The following USP34 variants were observed in gnomAD, a reference collection of about 807,000 sequenced individuals.
The protein encoded by USP34 is ubiquitin carboxyl-terminal hydrolase 34.
Under a neutral mutation model 460.3 loss-of-function variants are expected in USP34, and 70 were observed. The ratio of observed to expected loss-of-function variants is 0.15; its 90% CI spans 0.13 to 0.19. The LOEUF is 0.19. Among genes scored for constraint, USP34 ranks in the 10% least tolerant of loss-of-function variants. USP34 has a pLI of 1.00. For synonymous variants in USP34, 1,647 were observed against 1,405.3 expected (o/e 1.17, Z -3.85); for missense variants, 3,985 against 4,236.2 (o/e 0.94, Z 1.65).
At chr2:61,200,820 C>T (rs1026221874) in intron 75 of USP34, 2 of 152,290 alleles carry the variant, frequency 1.3e-5, no homozygotes, top group Non-Finnish European at 2.9e-5. Flanking sequence ...TTTCCTGGGC[C>T]TCTCCTTGGA....
At chr2:61,203,413 A>T in intron 74 of USP34, 150 bp from the exon 75 acceptor site, 1 of 733,566 alleles carries the variant, frequency 1.4e-6, no homozygotes, top group East Asian at 3.3e-5. Flanking sequence ...TAGTAATGTT[A>T]TGATCTTAAT....
chr2:61,285,462 G>C (rs555498887), intron 34 of USP34, among the ~76,000 whole-genome samples: 6 of 110,090 alleles, frequency 5.5e-5, no homozygotes, highest in Admixed American at 2.1e-4. Context: ...ACTCCAGCCT[G>C]AACAACAAAA....
chr2:61,296,991 T>C (rs1036484446), intron 29 of USP34, 66 bp from the exon 30 acceptor site: 55 of 1,504,586 alleles, frequency 3.7e-5, no homozygotes, highest in Non-Finnish European at 4.3e-5. Context: ...AAGTTCAAAT[T>C]TTTGCATAAA....
chr2:61,422,491 A>G (rs1410683767), intron 1 of USP34, among the ~76,000 whole-genome samples: 6 of 152,232 alleles, frequency 3.9e-5, no homozygotes, highest in Non-Finnish European at 8.8e-5. Context: ...TCATCAGAGT[A>G]GAGTTCTCCA....
At chr2:61,435,906 T>C (rs144214222) in intron 1 of USP34, among the ~76,000 whole-genome samples, 2,711 of 152,140 alleles carry the variant, frequency 0.018, 46 homozygotes, top group Non-Finnish European at 0.03. Flanking sequence ...AGTGCGCCTG[T>C]AATCCCAGCT....
chr2:61,280,182 T>C (rs1689492502), intron 39 of USP34, 62 bp downstream of exon 39: 4 of 969,698 alleles, frequency 4.1e-6, no homozygotes, highest in Non-Finnish European at 4.5e-6. Context: ...CATGAACATA[T>C]GTCATAATTC....
In USP34 at chr2:61,317,863, G is replaced by A. The variant is rs564222461; in HGVS notation, c.3169-96C>T. ...AAACTTTACTGAAAACACTGTAGAA[G>A]GAAACAGATCAGTTTGAATTTTTAG... On this transcript the variant is annotated intron_variant, in intron 22 of 79. Coordinates refer to ENST00000398571, the MANE Select transcript of USP34 (RefSeq NM_014709.4). 1.0e-4 allele frequency: 83 copies of A among 827,228 alleles called. No individual in the cohort carries two copies. The African/African-American group carries it at 1.4e-3, about 14-fold the overall frequency. The allele number at this position is 827,228 out of a possible 1,614,324, so 51.2% of individuals were successfully genotyped here. A position where few individuals can be genotyped will look rare whatever the true frequency, so the allele number is the denominator to read the frequency against.
At chr2:61,246,055 T>G (rs1410813613) in intron 50 of USP34, among the ~76,000 whole-genome samples, 1 of 152,186 alleles carries the variant, frequency 6.6e-6, no homozygotes, top group Non-Finnish European at 1.5e-5. Flanking sequence ...ATAGAGAAGA[T>G]AAGAGTTGAA....
intron 33 of USP34, among the ~76,000 whole-genome samples, chr2:61,290,386 G>GA (rs1689814388): frequency 6.6e-6 from 1 of 152,112 alleles, no homozygotes; most frequent in Non-Finnish European, 1.5e-5. Context: ...ACCTGTATGT[G>GA]AATGTTTACA....
At chr2:61,352,342 T>A (rs995030709) in intron 10 of USP34, among the ~76,000 whole-genome samples, 2 of 152,000 alleles carry the variant, frequency 1.3e-5, no homozygotes, top group Admixed American at 1.3e-4. Flanking sequence ...TACTAAACTA[T>A]ACACTATATG....
intron 50 of USP34, 33 bp from the exon 51 acceptor site, chr2:61,245,321 G>T: frequency 1.6e-6 from 2 of 1,263,654 alleles, no homozygotes; most frequent in Non-Finnish European, 2.2e-6. Flanking sequence ...AATCTAGTAT[G>T]CATATAATGA....
chr2:61,441,114 T>A (rs1573044767), intron 1 of USP34, among the ~76,000 whole-genome samples: 1 of 146,240 alleles, frequency 6.8e-6, no homozygotes, highest in Non-Finnish European at 1.5e-5. Flanking sequence ...GACAACTGAG[T>A]GAGAGCCGCC....
chr2:61,226,390 G>A (rs999836375), intron 62 of USP34, among the ~76,000 whole-genome samples: 2 of 152,150 alleles, frequency 1.3e-5, no homozygotes, highest in African/African-American at 4.8e-5. Flanking sequence ...TAGCAAATGG[G>A]TGAATTTGCA....
chr2:61,440,852 G>A (rs1431559630), intron 1 of USP34, among the ~76,000 whole-genome samples: 2 of 151,812 alleles, frequency 1.3e-5, no homozygotes, highest in Non-Finnish European at 2.9e-5. Flanking sequence ...AAAATTTCGG[G>A]TGCAGTGGCT....
chr2:61,415,374 G>C (rs72815516), intron 2 of USP34, among the ~76,000 whole-genome samples: 5,750 of 152,212 alleles, frequency 0.038, 170 homozygotes, highest in Non-Finnish European at 0.056. Flanking sequence ...CCAAGAAAGA[G>C]AGAACATGCA....
At position 61,348,272 on chromosome 2, in the gene USP34, T is replaced by C. The variant is rs750839048; in HGVS notation, c.1883A>G (p.Asp628Gly). ...EALKEEDEDD[D>G]HGHNPPKSSC... ...GCTTTTGGGAGGATTATGACCATGA[T>C]CATCGTCTTCATCTTCCTCTTTGAG... The change falls in exon 15 of 80, where the codon GAT becomes GGT. Residue 628 changes from aspartate to glycine, a missense_variant. Around this residue, in one of 14 missense-constraint regions of USP34, gnomAD observed 716 missense variants for 626.2 expected, o/e 1.14. Transcript: ENST00000398571. 34 of 1,614,080 alleles carry C rather than the reference T, an allele frequency of 2.1e-5. No individual in the cohort carries two copies. Among genetic ancestry groups the C allele is most frequent in the Non-Finnish European group, 2.9e-5 (34 of 1,180,034 alleles).
chr2:61,288,979 C>T, intron 33 of USP34, 102 bp from the exon 34 acceptor site: 2 of 1,187,856 alleles, frequency 1.7e-6, no homozygotes, highest in Non-Finnish European at 2.4e-6. Context: ...ATAATTATAG[C>T]TAGTACTTAA....
At chr2:61,404,380 C>G (rs1175334507) in intron 3 of USP34, among the ~76,000 whole-genome samples, 8 of 152,128 alleles carry the variant, frequency 5.3e-5, no homozygotes, top group Non-Finnish European at 1.0e-4. Context: ...CCTCTCCTCC[C>G]CCCAGCAATG....
At chr2:61,391,357 A>C (rs1693339397) in intron 5 of USP34, among the ~76,000 whole-genome samples, 1 of 152,144 alleles carries the variant, frequency 6.6e-6, no homozygotes, top group African/African-American at 2.4e-5. Flanking sequence ...ATCATACTAG[A>C]AAATAAACAG....
Sources: allele counts gnomAD v4.1 joint callset (sites outside exome capture counted in the v4.1 genomes callset), GRCh38; gene constraint gnomAD v4.1.1; regional missense constraint gnomAD v4.1.1; transcripts MANE v1.5; gene names NCBI Gene and HGNC (gene_info 2026-07-23, HGNC 2026-07-21).